Variants in ARAP1 observed in about 807,000 individuals in gnomAD.
The protein encoded by ARAP1 is arf-GAP with Rho-GAP domain, ANK repeat and PH domain-containing protein 1.
ARAP1 carries 76 observed loss-of-function variants against 172.2 expected under a neutral mutation model. That is an observed-to-expected ratio of 0.44 (90% CI 0.37 to 0.53). The LOEUF (loss-of-function observed/expected upper bound fraction) is 0.53. Ranked by LOEUF, ARAP1 falls within the 20% of genes least tolerant of loss-of-function variation. The pLI, the probability that ARAP1 is intolerant of heterozygous loss-of-function variation, is 0.00. For missense variants in ARAP1, 1,686 were observed against 1,977.5 expected (o/e 0.85, Z 2.80); for synonymous variants, 804 against 803.3 (o/e 1.00, Z -0.01).
rs577750419 is a variant in ARAP1 at position 72,743,239 on chromosome 11, A to G, written c.-128+9089T>C. ...ACAACGTCAAGAAAATGCTCAATCG[A>G]TAATATTTGTGAAATGTATGAATGG... On this transcript the variant is annotated intron_variant, in intron 1 of 34. Coordinates refer to ENST00000393609, the MANE Select transcript of ARAP1 (RefSeq NM_001040118.3). Among the ~76,000 whole-genome samples the G allele has an allele frequency of 2.2e-4, 34 of 152,330 alleles. No homozygotes were observed. In the Middle Eastern group the frequency reaches 0.01, roughly 46 times the overall value.
chr11:72,733,236 G>A (rs1857916831), intron 1 of ARAP1, among the ~76,000 whole-genome samples: 1 of 152,182 alleles, frequency 6.6e-6, no homozygotes, highest in African/African-American at 2.4e-5. Flanking sequence ...TGGGATGTGT[G>A]TAGGGGCAGA....
At position 72,685,447 on chromosome 11, in the gene ARAP1, G is replaced by A; in HGVS notation, c.*217C>T. The A allele has an allele frequency of 1.6e-6, 1 of 625,824 alleles. No individual in the cohort carries two copies. 38.8% of individuals were successfully genotyped at this position (625,824 alleles called of 1,614,324 possible). On this transcript the variant is annotated 3_prime_UTR_variant, in exon 35 of 35. Coordinates refer to ENST00000393609, the MANE Select transcript of ARAP1 (RefSeq NM_001040118.3). ...GTTGGGCCAAGAGGTCTGAACACCT[G>A]GACAGAGTTGGGAGAGGTTCCTGCC...
intron 1 of ARAP1, among the ~76,000 whole-genome samples, chr11:72,742,032 G>A (rs966727977): frequency 1.3e-5 from 2 of 152,182 alleles, no homozygotes; most frequent in Non-Finnish European, 2.9e-5. Context: ...GAAAGGGGAA[G>A]CTGCCTGTGT....
chr11:72,708,789 C>T (rs1004189323), intron 11 of ARAP1, among the ~76,000 whole-genome samples: 5 of 152,320 alleles, frequency 3.3e-5, no homozygotes, highest in Admixed American at 1.3e-4. Context: ...GTAATCCCGG[C>T]ACTTTGGGAG....
At chr11:72,738,505 A>G (rs1378785789) in intron 1 of ARAP1, among the ~76,000 whole-genome samples, 1 of 152,026 alleles carries the variant, frequency 6.6e-6, no homozygotes, top group Non-Finnish European at 1.5e-5. Flanking sequence ...ACCTAGCCCT[A>G]TGGGGAGCAA....
In ARAP1 at chr11:72,732,504, T is replaced by G. The variant is rs1857896736; in HGVS notation, c.-45+11A>C. ...CCAGCCCTGTTCCCACCGCTCCACC[T>G]CCTGACTCACCAGCTGGGCTGCCAA... On this transcript the variant is annotated intron_variant, in intron 2 of 34. Transcript: ENST00000393609. 1 of 152,552 alleles carries G rather than the reference T, an allele frequency of 6.6e-6. No homozygotes were observed. The highest frequency in any genetic ancestry group is 1.5e-5 in the Non-Finnish European group (1 of 68,260). 9.4% of individuals were successfully genotyped at this position (152,552 alleles called of 1,614,324 possible).
Position 72,693,616 on chromosome 11 carries a change from T to C in ARAP1, c.3808+76A>G. On this transcript the variant is annotated intron_variant, in intron 28 of 34. Transcript: ENST00000393609. This position sits in a 1 kb window ranked among gnomAD's most constrained non-coding sequence, Gnocchi z 4.6. ...GCCCTCTGTCTGAGCTGTTCCTACC[T>C]GGCACCACCAGGTCCCACCCTGGCT... 1.3e-6 allele frequency: 2 copies of C among 1,534,392 alleles called. No individual in the cohort carries two copies. The highest frequency in any genetic ancestry group is 8.8e-7 in the Non-Finnish European group (1 of 1,134,632).
chr11:72,699,311 G>A lies in ARAP1; in HGVS notation c.2438+106C>T, dbSNP rs1856366109. ...CCCTTGTGCAGCCTCCGTTTGCTGT[G>A]TGACTCTGCGGAGGTCCTCCCCTTC... is the stretch of plus-strand genomic sequence containing the variant. On this transcript the variant is annotated intron_variant, in intron 17 of 34. Transcript: ENST00000393609. The surrounding 1 kb of genome is among the most constrained non-coding windows in gnomAD (Gnocchi z 4.2). 7 of 1,535,040 alleles carry A rather than the reference G, an allele frequency of 4.6e-6. No individual in the cohort carries two copies. In the Admixed American group the frequency reaches 7.2e-5, roughly 16 times the overall value.
chr11:72,693,867 C>A lies in ARAP1; in HGVS notation c.3695-62G>T. 1.5e-6 allele frequency: 2 copies of A among 1,353,554 alleles called. No individual in the cohort carries two copies. 83.8% of individuals were successfully genotyped at this position (1,353,554 alleles called of 1,614,324 possible). A position where few individuals can be genotyped will look rare whatever the true frequency, so the allele number is the denominator to read the frequency against. On this transcript the variant is annotated intron_variant, in intron 27 of 34. Transcript: ENST00000393609. This position sits in a 1 kb window ranked among gnomAD's most constrained non-coding sequence, Gnocchi z 4.6. ...ATGGCCCGATACCACCAAAGGCTGG[C>A]AGATGGGCACATATCACCTACACAT...
Position 72,685,629 on chromosome 11 carries a change from G to A in ARAP1, c.*35C>T, listed in dbSNP as rs768413125. The A allele has an allele frequency of 9.9e-6, 16 of 1,613,986 alleles. No homozygotes were observed. In the African/African-American group the frequency reaches 1.3e-4, roughly 13 times the overall value. ...GGTGTCTGAACAGAAGGCTTCCAGC[G>A]GCGGAATCCTAGAGCCAAGGATGGG... On this transcript the variant is annotated 3_prime_UTR_variant, in exon 35 of 35. Coordinates refer to ENST00000393609, the MANE Select transcript of ARAP1 (RefSeq NM_001040118.3).
rs532427400 is a variant in ARAP1, at chr11:72,718,103, T to C, written c.510-3782A>G. ...GGAACACAGGGGCCTCTCGGAAGCA[T>C]CTGGGAAATTCTAGCCACCTTCTCC... On this transcript the variant is annotated intron_variant, in intron 3 of 34. Transcript: ENST00000393609. Among the ~76,000 whole-genome samples the C allele has an allele frequency of 1.8e-3, 280 of 152,304 alleles. 2 individuals carry two copies. Among genetic ancestry groups the C allele is most frequent in the Non-Finnish European group, 3.3e-3 (223 of 68,010 alleles).
intron 11 of ARAP1, 103 bp from the exon 12 acceptor site, chr11:72,707,477 G>A (rs552930524): frequency 1.4e-5 from 16 of 1,135,770 alleles, no homozygotes; most frequent in East Asian, 7.8e-5. Flanking sequence ...TGTTGGGAGC[G>A]CTTAGGCAAA....
At chr11:72,712,890 C>T (rs1000112103) in intron 5 of ARAP1, 18 of 598,294 alleles carry the variant, frequency 3.0e-5, no homozygotes, top group Non-Finnish European at 3.9e-5. Flanking sequence ...ACAGACACTC[C>T]GGGACAGGAC....
intron 30 of ARAP1, 55 bp downstream of exon 30, chr11:72,692,698 T>A: frequency 1.2e-6 from 2 of 1,609,826 alleles, no homozygotes; most frequent in Non-Finnish European, 1.7e-6. Context: ...CCCACCCAGC[T>A]CATTTGGCCC....
rs188119931 is a variant in ARAP1 at position 72,690,312 on chromosome 11, G to A, written c.3988-1775C>T. The stretch of plus-strand genomic sequence containing the variant: ...CAACCCTCAGGCCTCCGATTCCTTG[G>A]GGTCTGATGTGCATGACATGTGTGT... On this transcript the variant is annotated intron_variant, in intron 30 of 34. Coordinates refer to ENST00000393609, the MANE Select transcript of ARAP1 (RefSeq NM_001040118.3). 4.9e-3 allele frequency among the ~76,000 whole-genome samples: 742 copies of A among 152,278 alleles called. 7 individuals carry two copies. The highest frequency in any genetic ancestry group is 6.9e-3 in the Non-Finnish European group (472 of 68,026).
At chr11:72,750,560 A>G (rs774660377) in intron 1 of ARAP1, among the ~76,000 whole-genome samples, 4 of 151,020 alleles carry the variant, frequency 2.6e-5, no homozygotes, top group African/African-American at 9.7e-5. Flanking sequence ...TCAATGCTGG[A>G]GACAGGACTT....
In ARAP1 at chr11:72,699,247, G is replaced by T; in HGVS notation, c.2439-140C>A. 7.2e-7 allele frequency: 1 copy of T among 1,383,680 alleles called. No homozygotes were observed. Among genetic ancestry groups the T allele is most frequent in the Non-Finnish European group, 9.9e-7 (1 of 1,007,566 alleles). 85.7% of individuals were successfully genotyped at this position (1,383,680 alleles called of 1,614,324 possible). Reference sequence around the variant, plus strand: ...TATTCTGGTCCCCTAAGAGGTGGTGGAAAAGTCTTGGGCTGGGGCCTCAAG... The same window carrying T: ...TATTCTGGTCCCCTAAGAGGTGGTGTAAAAGTCTTGGGCTGGGGCCTCAAG... On this transcript the variant is annotated intron_variant, in intron 17 of 34. Transcript: ENST00000393609. This position sits in a 1 kb window ranked among gnomAD's most constrained non-coding sequence, Gnocchi z 4.2.
chr11:72,707,541 C>G (rs978359897), intron 11 of ARAP1, among the ~76,000 whole-genome samples, 167 bp from the exon 12 acceptor site: 1 of 152,142 alleles, frequency 6.6e-6, no homozygotes, highest in Admixed American at 6.5e-5. Context: ...AAGGCAAGGA[C>G]AACAGGAACA....
intron 1 of ARAP1, among the ~76,000 whole-genome samples, chr11:72,743,238 G>A (rs1858254593): frequency 1.3e-5 from 2 of 152,200 alleles, no homozygotes; most frequent in Non-Finnish European, 2.9e-5. Flanking sequence ...ATGCTCAATC[G>A]ATAATATTTG....
Sources: gnomAD v4.1 joint callset for allele counts (sites outside exome capture counted in the v4.1 genomes callset) on GRCh38, gnomAD v4.1.1 for gene constraint, Gnocchi (gnomAD v3.1) non-coding constraint, MANE v1.5 for transcripts, NCBI Gene and HGNC (gene_info 2026-07-23, HGNC 2026-07-21) for gene names.